SLC4A5: variants seen among roughly 807,000 people sequenced by gnomAD.
SLC4A5 encodes the protein solute carrier family 4 member 5, also known as electrogenic sodium bicarbonate cotransporter 4.
SLC4A5 carries 96 observed loss-of-function variants against 120.4 expected under a neutral mutation model. That is an observed-to-expected ratio of 0.80 (90% CI 0.68 to 0.94). The LOEUF is 0.94. SLC4A5 is among the 40% of genes least tolerant of loss of function. SLC4A5 has a pLI of 0.00. For missense variants in SLC4A5, 1,259 were observed against 1,459.5 expected (o/e 0.86, Z 2.24); for synonymous variants, 550 against 571.1 (o/e 0.96, Z 0.53).
At chr2:74,227,726 A>C (rs934627627) in intron 26 of SLC4A5, 84 bp downstream of exon 26, 10 of 1,324,614 alleles carry the variant, frequency 7.5e-6, no homozygotes, top group Non-Finnish European at 1.0e-5. Context: ...AATTGGGACA[A>C]CTGAATTGGG....
chr2:74,305,883 C>A (rs988941103), intron 6 of SLC4A5, among the ~76,000 whole-genome samples: 1 of 152,028 alleles, frequency 6.6e-6, no homozygotes, highest in Non-Finnish European at 1.5e-5. Flanking sequence ...CACCACCATG[C>A]CTGGCTAATT....
intron 29 of SLC4A5, 51 bp downstream of exon 29, chr2:74,222,817 G>T: frequency 1.4e-6 from 2 of 1,465,864 alleles, no homozygotes; most frequent in South Asian, 1.1e-5. Flanking sequence ...CTAGGGGAAA[G>T]ACATGGAGGA....
Position 74,221,547 on chromosome 2 carries a change from C to T in SLC4A5, c.3332-46G>A, listed in dbSNP as rs750456229. 2.7e-5 allele frequency: 42 copies of T among 1,580,716 alleles called. 2 individuals carry two copies. In the South Asian group the frequency reaches 4.5e-4, roughly 17 times the overall value. The stretch of plus-strand genomic sequence containing the variant: ...GTCAGATGTGGAGCAGGTTTGAGCA[C>T]CATATTTCTCCGGGCTTCCCCCACC... On this transcript the variant is annotated intron_variant, in intron 29 of 30. Coordinates refer to ENST00000394019, the Ensembl canonical transcript of SLC4A5.
intron 19 of SLC4A5, among the ~76,000 whole-genome samples, chr2:74,245,457 C>T (rs915106668): frequency 4.6e-5 from 7 of 152,184 alleles, no homozygotes; most frequent in African/African-American, 9.7e-5. Flanking sequence ...GATACAAGCA[C>T]GTAGGAGGGC....
At chr2:74,232,389 T>C in intron 24 of SLC4A5, 80 bp downstream of exon 24, 7 of 1,523,004 alleles carry the variant, frequency 4.6e-6, no homozygotes, top group East Asian at 2.3e-5. Context: ...CCAAATCCTT[T>C]TGTGGCAGGC....
At chr2:74,330,125 T>C (rs908323641) in intron 4 of SLC4A5, among the ~76,000 whole-genome samples, 1 of 149,626 alleles carries the variant, frequency 6.7e-6, no homozygotes, top group African/African-American at 2.5e-5. Context: ...TAGATGGTGG[T>C]CGTGAGGTGT....
chr2:74,322,862 A>G (rs187171724), intron 5 of SLC4A5, among the ~76,000 whole-genome samples: 4 of 152,304 alleles, frequency 2.6e-5, no homozygotes, highest in African/African-American at 4.8e-5. Context: ...AAAAACTTCT[A>G]GAGTAAAACA....
chr2:74,216,356 T>C (rs2103848734), exon 31 of SLC4A5: 1 of 152,332 alleles, frequency 6.6e-6, no homozygotes, highest in South Asian at 2.1e-4. Context: ...ATTAAAATGT[T>C]CATGTATATA....
At chr2:74,304,450 C>A in intron 7 of SLC4A5, 39 bp downstream of exon 7, 2 of 1,566,420 alleles carry the variant, frequency 1.3e-6, no homozygotes, top group Non-Finnish European at 1.7e-6. Context: ...GACACACCAG[C>A]AGGATGGCTC....
intron 8 of SLC4A5, 62 bp downstream of exon 8, chr2:74,285,702 CCAGGAGGGT>C (rs1001008010): frequency 6.4e-7 from 1 of 1,573,072 alleles, no homozygotes; most frequent in African/African-American, 1.4e-5. Flanking sequence ...CCACTTCCCA[CCAGGAGGGT>C]CAGGCAAGCC....
chr2:74,292,515 T>C (rs1672205301), intron 7 of SLC4A5, among the ~76,000 whole-genome samples: 1 of 152,116 alleles, frequency 6.6e-6, no homozygotes, highest in Non-Finnish European at 1.5e-5. Context: ...ATGCCACAGG[T>C]AATAGCCCCT....
chr2:74,221,530 T>A, intron 29 of SLC4A5, 29 bp from the exon 30 acceptor site: 1 of 1,611,972 alleles, frequency 6.2e-7, no homozygotes, highest in Non-Finnish European at 8.5e-7. Context: ...ATGTCAGATG[T>A]GGAGCAGGTT....
intron 11 of SLC4A5, 152 bp from the exon 12 acceptor site, chr2:74,259,795 T>A: frequency 1.4e-6 from 1 of 698,328 alleles, no homozygotes; most frequent in Non-Finnish European, 2.5e-6. Flanking sequence ...TAGCATCCTC[T>A]CACTTTCCTT....
At chr2:74,253,162 C>T (rs771921633) in intron 14 of SLC4A5, 34 bp from the exon 15 acceptor site, 29 of 1,612,436 alleles carry the variant, frequency 1.8e-5, no homozygotes, top group African/African-American at 6.7e-5. Context: ...AAAGAAAGAT[C>T]GGGTCTGTTT....
rs983634499 is a variant in SLC4A5, at chr2:74,305,155, C to T, written c.80-475G>A. Reference sequence around the variant, plus strand: ...GTGAGTTATTGAGGGTTTCACAAAGCTGGCTTTGTAAACTAAAATTTCTAA... The same window carrying T: ...GTGAGTTATTGAGGGTTTCACAAAGTTGGCTTTGTAAACTAAAATTTCTAA... On this transcript the variant is annotated intron_variant, in intron 6 of 30. Coordinates refer to ENST00000394019, the Ensembl canonical transcript of SLC4A5. Among the ~76,000 whole-genome samples, 8 of 152,310 alleles carry T rather than the reference C, an allele frequency of 5.3e-5. No homozygotes were observed. The East Asian group carries it at 7.7e-4, about 15-fold the overall frequency.
chr2:74,295,766 T>C (rs992885492), intron 7 of SLC4A5, among the ~76,000 whole-genome samples: 2 of 152,162 alleles, frequency 1.3e-5, no homozygotes, highest in African/African-American at 2.4e-5. Context: ...ACGACCAATT[T>C]TGAGGAAACC....
chr2:74,226,682 C>T (rs554856365), intron 27 of SLC4A5, among the ~76,000 whole-genome samples: 51 of 152,246 alleles, frequency 3.3e-4, no homozygotes, highest in African/African-American at 5.5e-4. Context: ...TTTCTTTCTC[C>T]GTCCCTCCCT....
At chr2:74,309,813 G>T (rs1318490144) in intron 6 of SLC4A5, among the ~76,000 whole-genome samples, 2 of 151,534 alleles carry the variant, frequency 1.3e-5, no homozygotes, top group African/African-American at 4.9e-5. Flanking sequence ...CCACCACCAC[G>T]CCCGGCTAAT....
At position 74,240,061 on chromosome 2, in the gene SLC4A5, A is replaced by T. The variant is rs543902322; in HGVS notation, c.2119-526T>A. On this transcript the variant is annotated intron_variant, in intron 20 of 30. Coordinates refer to ENST00000394019, the Ensembl canonical transcript of SLC4A5. ...TAAATTTATATATATATATATATAA[A>T]TGTGTACTGTGAGACACACTCTGAT... Among the ~76,000 whole-genome samples the T allele has an allele frequency of 6.7e-5, 10 of 149,474 alleles. No individual in the cohort carries two copies. The South Asian group carries it at 2.1e-3, about 31-fold the overall frequency.
Sources: gnomAD v4.1 joint callset for allele counts (sites outside exome capture counted in the v4.1 genomes callset) on GRCh38, gnomAD v4.1.1 for gene constraint, MANE v1.5 for transcripts, NCBI Gene and HGNC (gene_info 2026-07-23, HGNC 2026-07-21) for gene names.